Variants in SYNPR observed in about 807,000 individuals in gnomAD.
SYNPR encodes the protein synaptoporin.
Under a neutral mutation model 32.9 loss-of-function variants are expected in SYNPR, and 23 were observed. The observed-to-expected ratio is 0.70, with a 90% CI of 0.50 to 0.99. The LOEUF (loss-of-function observed/expected upper bound fraction) is 0.99, where lower values mean the gene tolerates loss of function less well. Ranked by LOEUF, SYNPR falls within the 50% of genes least tolerant of loss-of-function variation. SYNPR has a pLI of 0.00. For missense variants in SYNPR, 318 were observed against 349.3 expected (o/e 0.91, Z 0.71); for synonymous variants, 146 against 135.9 (o/e 1.07, Z -0.52).
intron 2 of SYNPR, among the ~76,000 whole-genome samples, chr3:63,407,604 A>G (rs2088378189): frequency 6.6e-6 from 1 of 152,200 alleles, no homozygotes; most frequent in African/African-American, 2.4e-5. Flanking sequence ...TTAATATCAT[A>G]CAAGTTAAAT....
chr3:63,307,126 A>T (rs1523443), intron 2 of SYNPR, among the ~76,000 whole-genome samples: 43,746 of 151,906 alleles, frequency 0.29, 7,487 homozygotes, highest in Non-Finnish European at 0.39. Context: ...CAGTGTCCAA[A>T]TTAGTTTTCA....
chr3:63,523,621 T>G (rs149333466), intron 3 of SYNPR, among the ~76,000 whole-genome samples: 138 of 152,254 alleles, frequency 9.1e-4, no homozygotes, highest in East Asian at 4.8e-3. Flanking sequence ...GGGAGCACTG[T>G]GATGGGGGCC....
intron 2 of SYNPR, among the ~76,000 whole-genome samples, chr3:63,390,696 G>A (rs760054426): frequency 3.3e-5 from 5 of 152,144 alleles, no homozygotes; most frequent in Non-Finnish European, 4.4e-5. Flanking sequence ...CAGGCTAACC[G>A]ATTATTTTTT....
chr3:63,591,301 G>A (rs1418750637), intron 4 of SYNPR, among the ~76,000 whole-genome samples: 1 of 123,770 alleles, frequency 8.1e-6, no homozygotes, highest in Non-Finnish European at 1.7e-5. Context: ...AAAAAGTCAG[G>A]AAACAACAGG....
intron 3 of SYNPR, among the ~76,000 whole-genome samples, chr3:63,486,236 T>C (rs1048741599): frequency 3.3e-5 from 5 of 152,148 alleles, no homozygotes; most frequent in African/African-American, 1.2e-4. Flanking sequence ...TTAAAGGGCT[T>C]TCTCTCACCG....
the SYNPR span, among the ~76,000 whole-genome samples, chr3:63,210,317 G>C: frequency 6.6e-6 from 1 of 152,178 alleles, no homozygotes; most frequent in African/African-American, 2.4e-5. Context: ...TCAAGGAGTA[G>C]GTAACACAGC....
At chr3:63,570,419 C>T (rs1702864398) in intron 4 of SYNPR, among the ~76,000 whole-genome samples, 1 of 152,244 alleles carries the variant, frequency 6.6e-6, no homozygotes, top group Admixed American at 6.5e-5. Context: ...TAAGCGTTCA[C>T]ATGCTCTTCA....
chr3:63,334,734 A>T (rs191272473), intron 2 of SYNPR, among the ~76,000 whole-genome samples: 2 of 152,268 alleles, frequency 1.3e-5, no homozygotes, highest in African/African-American at 2.4e-5. Context: ...GCCTCTCCTG[A>T]CTCAGCTTAC....
At chr3:63,478,694 G>A (rs6765895) in intron 2 of SYNPR, among the ~76,000 whole-genome samples, 65,311 of 151,902 alleles carry the variant, frequency 0.43, 14,049 homozygotes, top group East Asian at 0.49. Context: ...TACATATTCC[G>A]TCTCACTTAG....
intron 4 of SYNPR, among the ~76,000 whole-genome samples, chr3:63,580,519 T>A (rs879473683): frequency 6.6e-6 from 1 of 152,136 alleles, no homozygotes; most frequent in Admixed American, 6.6e-5. Context: ...GTAGCTATTG[T>A]GTAGTCTCCA....
rs542809402 is a variant in SYNPR, at chr3:63,576,786, G to A, written c.408+20045G>A. On this transcript the variant is annotated intron_variant, in intron 4 of 5. Transcript: ENST00000478300. ...AGCCTGGGCAACAGAGCAAGAATAC[G>A]TCTCAAAAAAAAAAAAAAGAAAGAA... 2.6e-3 allele frequency among the ~76,000 whole-genome samples: 352 copies of A among 137,742 alleles called. 2 individuals are homozygous for A. Among genetic ancestry groups the A allele is most frequent in the African/African-American group, 9.4e-3 (338 of 35,780 alleles). The allele number at this position is 137,742 out of a possible 152,430, so 90.4% of individuals were successfully genotyped here.
chr3:63,364,391 A>C (rs562445247), intron 2 of SYNPR, among the ~76,000 whole-genome samples: 1 of 152,206 alleles, frequency 6.6e-6, no homozygotes, highest in African/African-American at 2.4e-5. Flanking sequence ...TGTAGGACAA[A>C]TACTCAAATA....
chr3:63,584,281 T>C (rs1449892321), intron 4 of SYNPR, among the ~76,000 whole-genome samples: 1 of 152,028 alleles, frequency 6.6e-6, no homozygotes, highest in Non-Finnish European at 1.5e-5. Context: ...ATGGTTATGG[T>C]AGATGTGGAA....
At chr3:63,583,981 A>T (rs1703138083) in intron 4 of SYNPR, among the ~76,000 whole-genome samples, 1 of 152,116 alleles carries the variant, frequency 6.6e-6, no homozygotes, top group South Asian at 2.1e-4. Context: ...GAGCAGGCTT[A>T]CAGAGGAGGA....
chr3:63,599,885 TA>T (rs1312859567), intron 4 of SYNPR, among the ~76,000 whole-genome samples: 1 of 152,236 alleles, frequency 6.6e-6, no homozygotes, highest in Non-Finnish European at 1.5e-5. Flanking sequence ...GATAGCTATG[TA>T]AAAAGCATAA....
intron 1 of SYNPR, among the ~76,000 whole-genome samples, chr3:63,236,979 T>C (rs1045224327): frequency 2.6e-5 from 4 of 152,158 alleles, no homozygotes; most frequent in African/African-American, 9.7e-5. Context: ...ACCATAAGTA[T>C]GATGTTAGCT....
rs116049212 is a variant in SYNPR, at chr3:63,281,395, A to G, written c.84+2653A>G. 9.1e-3 allele frequency among the ~76,000 whole-genome samples: 1,391 copies of G among 152,344 alleles called. 28 individuals carry two copies. The highest frequency in any genetic ancestry group is 0.032 in the African/African-American group (1,338 of 41,580). On this transcript the variant is annotated intron_variant, in intron 2 of 5. Coordinates refer to ENST00000478300, the MANE Select transcript of SYNPR (RefSeq NM_001130003.2). ...GAAATAAACATGCATGTAAAGATAT[A>G]TGTATCTTAGTTTTGGGGGTTGCTA...
At chr3:63,351,849 T>G (rs749376169) in intron 2 of SYNPR, among the ~76,000 whole-genome samples, 4 of 151,994 alleles carry the variant, frequency 2.6e-5, no homozygotes, top group Non-Finnish European at 5.9e-5. Flanking sequence ...GGGGGAGAGA[T>G]AAAAGAAGTA....
At chr3:63,321,732 G>T (rs774399257) in intron 2 of SYNPR, among the ~76,000 whole-genome samples, 2 of 152,022 alleles carry the variant, frequency 1.3e-5, no homozygotes, top group Non-Finnish European at 2.9e-5. Context: ...ATAACCTCAT[G>T]TCTTTGCACA....
Sources: allele counts gnomAD v4.1 joint callset (sites outside exome capture counted in the v4.1 genomes callset), GRCh38; gene constraint gnomAD v4.1.1; transcripts MANE v1.5; gene names NCBI Gene and HGNC (gene_info 2026-07-23, HGNC 2026-07-21).